GTF2H5: variants seen among roughly 807,000 people sequenced by gnomAD.
GTF2H5 encodes the protein TFB5 ortholog.
Under a neutral mutation model 7.1 loss-of-function variants are expected in GTF2H5, and 5 were observed. That is an observed-to-expected ratio of 0.71 (90% confidence interval 0.37 to 1.49). The LOEUF is 1.49. Among genes scored for constraint, GTF2H5 ranks in the 40% most tolerant of loss-of-function variants. The pLI is 0.03. For missense variants in GTF2H5, 80 were observed against 83.0 expected (o/e 0.96, Z 0.14); for synonymous variants, 30 against 31.7 (o/e 0.95, Z 0.18).
At chr6:158,175,044 G>GTGTGTGTGTGTGTGTGTA in intron 2 of GTF2H5, among the ~76,000 whole-genome samples, 69 of 142,852 alleles carry the variant, frequency 4.8e-4, no homozygotes, top group African/African-American at 1.8e-3. Context: ...GTGTGTGTGT[G>GTGTGTGTGTGTGTGTGTA]TATACACACA....
rs1785841904 is a variant in GTF2H5, at chr6:158,170,553, T to TA, written c.35+16dup. 2 of 1,562,332 alleles carry TA rather than the reference T, an allele frequency of 1.3e-6. No homozygotes were observed. The highest frequency in any genetic ancestry group is 1.8e-6 in the Non-Finnish European group (2 of 1,132,672). On this transcript the variant is annotated intron_variant, in intron 2 of 2. Transcript: ENST00000607778. ...CTTATAGAATGGTTAGTAGTTTTGA[T>TA]ACTGCATGAGTTTTAAGTTTAAATA...
intron 2 of GTF2H5, among the ~76,000 whole-genome samples, chr6:158,191,581 C>T (rs1401739244): frequency 1.3e-5 from 2 of 151,674 alleles, no homozygotes; most frequent in Non-Finnish European, 2.9e-5. Context: ...CTCCCAGGTT[C>T]ACACCATTCT....
At chr6:158,176,557 CTT>C (rs1785936647) in intron 2 of GTF2H5, among the ~76,000 whole-genome samples, 1 of 152,078 alleles carries the variant, frequency 6.6e-6, no homozygotes, top group African/African-American at 2.4e-5. Flanking sequence ...ATACGTATGT[CTT>C]AGAATTATAC....
In GTF2H5 at chr6:158,199,281, A is replaced by G. The variant is rs1366702765; in HGVS notation, c.*7124A>G. 6.6e-6 allele frequency: 1 copy of G among 152,122 alleles called. No homozygotes were observed. The highest frequency in any genetic ancestry group is 1.5e-5 in the Non-Finnish European group (1 of 68,048). 9.4% of individuals were successfully genotyped at this position (152,122 alleles called of 1,614,324 possible). A position where few individuals can be genotyped will look rare whatever the true frequency, so the allele number is the denominator to read the frequency against. On this transcript the variant is annotated 3_prime_UTR_variant, in exon 3 of 3. Transcript: ENST00000607778. ...AGCCCAATCCCCACCTATACCCAAT[A>G]TATCCATGGGACAAGCATGTACATG...
At chr6:158,169,627 A>G (rs1218843489) in intron 1 of GTF2H5, among the ~76,000 whole-genome samples, 1 of 89,278 alleles carries the variant, frequency 1.1e-5, no homozygotes, top group Non-Finnish European at 1.8e-5. Flanking sequence ...CATATAATAT[A>G]TTGTATATTA....
chr6:158,176,476 C>T lies in GTF2H5; in HGVS notation c.35+5938C>T, dbSNP rs1314559675. ...TCCTGACCTCGTGATCCACCCACCT[C>T]GGCCTCCCAAAATGCTGGGATTACA... On this transcript the variant is annotated intron_variant, in intron 2 of 2. Coordinates refer to ENST00000607778, the MANE Select transcript of GTF2H5 (RefSeq NM_207118.3). 2.0e-5 allele frequency among the ~76,000 whole-genome samples: 3 copies of T among 152,162 alleles called. 1 individual carries two copies. Among genetic ancestry groups the T allele is most frequent in the Admixed American group, 1.3e-4 (2 of 15,270 alleles).
At chr6:158,190,446 G>A (rs1479896161) in intron 2 of GTF2H5, among the ~76,000 whole-genome samples, 1 of 152,118 alleles carries the variant, frequency 6.6e-6, no homozygotes. Flanking sequence ...TTGCCTGGAT[G>A]TCACCTCATG....
intron 2 of GTF2H5, among the ~76,000 whole-genome samples, chr6:158,174,265 A>G (rs2128429323): frequency 1.3e-5 from 2 of 152,280 alleles, no homozygotes; most frequent in East Asian, 1.9e-4. Flanking sequence ...AATAGCTTAT[A>G]TAGTGCTGAT....
At chr6:158,169,462 T>TTATATATAATATATTGTATATTATATAA (rs1444112061) in intron 1 of GTF2H5, among the ~76,000 whole-genome samples, 2 of 69,880 alleles carry the variant, frequency 2.9e-5, no homozygotes, top group Non-Finnish European at 4.4e-5. Context: ...ATTATATATA[T>TTATATATAATATATTGTATATTATATAA]TATATTGTAT....
Position 158,194,971 on chromosome 6 carries a change from A to G in GTF2H5, c.*2814A>G, listed in dbSNP as rs1777086255. 1 of 152,222 alleles carries G rather than the reference A, an allele frequency of 6.6e-6. No individual in the cohort carries two copies. Among genetic ancestry groups the G allele is most frequent in the South Asian group, 2.1e-4 (1 of 4,832 alleles). 9.4% of individuals were successfully genotyped at this position (152,222 alleles called of 1,614,324 possible). On this transcript the variant is annotated 3_prime_UTR_variant, in exon 3 of 3. Coordinates refer to ENST00000607778, the MANE Select transcript of GTF2H5 (RefSeq NM_207118.3). The stretch of plus-strand genomic sequence containing the variant: ...TAAGAAAGATAGAGTGATGTGAATG[A>G]TAGGAAGCCCACCTGTAACCACTTA...
chr6:158,174,965 G>C (rs1437447615), intron 2 of GTF2H5, among the ~76,000 whole-genome samples: 1 of 149,024 alleles, frequency 6.7e-6, no homozygotes, highest in Admixed American at 7.0e-5. Flanking sequence ...TCTTAGTAGG[G>C]CCATGTTCGC....
chr6:158,184,278 G>A lies in GTF2H5; in HGVS notation c.36-7699G>A, dbSNP rs142647887. 5.0e-4 allele frequency among the ~76,000 whole-genome samples: 76 copies of A among 152,236 alleles called. 1 individual carries two copies. The East Asian group carries it at 0.012, about 24-fold the overall frequency. On this transcript the variant is annotated intron_variant, in intron 2 of 2. Transcript: ENST00000607778. Reference sequence around the variant, plus strand: ...AGGAAAAACATGTGAAGGAGGAGCCGCATCGAATTCCTGTTCTCATTTCTA... The same window carrying A: ...AGGAAAAACATGTGAAGGAGGAGCCACATCGAATTCCTGTTCTCATTTCTA...
At chr6:158,190,080 T>G (rs1777001818) in intron 2 of GTF2H5, among the ~76,000 whole-genome samples, 1 of 152,106 alleles carries the variant, frequency 6.6e-6, no homozygotes, top group South Asian at 2.1e-4. Context: ...CTTTTTTTTT[T>G]TTAGTAGAGT....
At chr6:158,191,358 A>G (rs1448366155) in intron 2 of GTF2H5, among the ~76,000 whole-genome samples, 4 of 152,234 alleles carry the variant, frequency 2.6e-5, no homozygotes, top group Non-Finnish European at 4.4e-5. Context: ...ATCAGTTAAG[A>G]AAGCTGTGAT....
intron 2 of GTF2H5, among the ~76,000 whole-genome samples, chr6:158,178,818 A>G (rs552840360): frequency 2.6e-4 from 39 of 152,284 alleles, no homozygotes; most frequent in Admixed American, 5.9e-4. Flanking sequence ...CTCTGATGAT[A>G]GTTTCTTTTG....
At chr6:158,180,623 T>C (rs1052124742) in intron 2 of GTF2H5, among the ~76,000 whole-genome samples, 6 of 152,218 alleles carry the variant, frequency 3.9e-5, no homozygotes, top group African/African-American at 1.4e-4. Context: ...CAGGAATTTG[T>C]CCATTTCTTC....
At chr6:158,172,610 T>A (rs1362818565) in intron 2 of GTF2H5, among the ~76,000 whole-genome samples, 1 of 152,166 alleles carries the variant, frequency 6.6e-6, no homozygotes, top group Non-Finnish European at 1.5e-5. Flanking sequence ...GCTTCTTTTT[T>A]GTTTTGGGTG....
intron 2 of GTF2H5, 105 bp downstream of exon 2, chr6:158,170,643 C>A: frequency 2.4e-6 from 2 of 850,454 alleles, no homozygotes; most frequent in Non-Finnish European, 3.9e-6. Flanking sequence ...TGGATGAAAT[C>A]AAGTCTTTCG....
intron 2 of GTF2H5, among the ~76,000 whole-genome samples, chr6:158,172,316 C>CTT (rs879859644): frequency 3.6e-5 from 5 of 140,540 alleles, no homozygotes; most frequent in African/African-American, 7.6e-5. Context: ...AAATTAGCTT[C>CTT]TTTTTTTTTT....
Sources: allele counts gnomAD v4.1 joint callset (sites outside exome capture counted in the v4.1 genomes callset), GRCh38; gene constraint gnomAD v4.1.1; transcripts MANE v1.5; gene names NCBI Gene and HGNC (gene_info 2026-07-23, HGNC 2026-07-21).